The following SHANK2 variants were observed in gnomAD, a reference collection of about 807,000 sequenced individuals.
SHANK2 encodes the protein SH3 and multiple ankyrin repeat domains protein 2.
A neutral mutation model predicts 133.7 loss-of-function variants in SHANK2; 43 were observed. That is an observed-to-expected ratio of 0.32 (90% confidence interval 0.25 to 0.41). The LOEUF is 0.41. SHANK2 is among the 10% of genes least tolerant of loss of function. The probability of loss-of-function intolerance (pLI) is 1.00; values close to 1 mark genes in which losing one functional copy is unlikely to be tolerated. For missense variants in SHANK2, 1,994 were observed against 2,235.8 expected (o/e 0.89, Z 2.18); for synonymous variants, 1,017 against 952.8 (o/e 1.07, Z -1.24).
intron 8 of SHANK2, among the ~76,000 whole-genome samples, chr11:71,085,706 T>TGA (rs1951382518): frequency 5.2e-5 from 1 of 19,170 alleles, no homozygotes; most frequent in South Asian, 2.3e-3. Context: ...ATATTATATG[T>TGA]TATATATATT....
At chr11:70,777,519 TCATCCATC>T (rs201578144) in intron 14 of SHANK2, among the ~76,000 whole-genome samples, 5 of 151,114 alleles carry the variant, frequency 3.3e-5, no homozygotes, top group Admixed American at 2.6e-4. Flanking sequence ...ACCTATCCAT[TCATCCATC>T]CATCCATCCA....
intron 7 of SHANK2, among the ~76,000 whole-genome samples, chr11:71,093,765 C>T (rs187075770): frequency 3.1e-4 from 47 of 152,248 alleles, no homozygotes; most frequent in Admixed American, 2.2e-3. Flanking sequence ...TTTATTGCAA[C>T]GCAGGAACAG....
At chr11:71,193,644 G>A (rs925406084) in intron 2 of SHANK2, among the ~76,000 whole-genome samples, 1 of 152,198 alleles carries the variant, frequency 6.6e-6, no homozygotes, top group African/African-American at 2.4e-5. Context: ...TCTCCAGCCT[G>A]CTCCGGCCCT....
intron 17 of SHANK2, among the ~76,000 whole-genome samples, chr11:70,580,738 T>A (rs1554985258): frequency 6.6e-6 from 1 of 152,208 alleles, no homozygotes; most frequent in East Asian, 1.9e-4. Context: ...GAGCCAGGGC[T>A]GGGGCAGGCG....
chr11:70,813,911 C>T (rs1555053727), intron 12 of SHANK2, among the ~76,000 whole-genome samples: 1 of 152,154 alleles, frequency 6.6e-6, no homozygotes, highest in Non-Finnish European at 1.5e-5. Context: ...ACGACAGGGA[C>T]TTAGGATTAT....
chr11:70,567,163 A>G (rs2059978414), intron 17 of SHANK2, among the ~76,000 whole-genome samples: 1 of 152,206 alleles, frequency 6.6e-6, no homozygotes, highest in African/African-American at 2.4e-5. Context: ...AGCATCTGTT[A>G]TGAAGCTGTG....
At chr11:70,481,879 A>G (rs1355652784) in intron 25 of SHANK2, among the ~76,000 whole-genome samples, 1 of 152,374 alleles carries the variant, frequency 6.6e-6, no homozygotes, top group East Asian at 1.9e-4. Context: ...CAAAGGAGAC[A>G]TGCTGAGAGA....
intron 2 of SHANK2, among the ~76,000 whole-genome samples, chr11:71,196,587 C>A (rs80112882): frequency 6.6e-6 from 1 of 151,414 alleles, no homozygotes; most frequent in Non-Finnish European, 1.5e-5. Context: ...CGTGGCCCTG[C>A]CTCTGGTTCT....
At chr11:70,856,722 G>T (rs557774130) in intron 11 of SHANK2, among the ~76,000 whole-genome samples, 9 of 152,284 alleles carry the variant, frequency 5.9e-5, no homozygotes, top group Admixed American at 2.0e-4. Context: ...ACAGCCTTAT[G>T]AGGGAGGCAT....
rs76567503 is a variant in SHANK2 at position 71,149,659 on chromosome 11, A to G, written c.-12-2321T>C. 8.1e-3 allele frequency among the ~76,000 whole-genome samples: 1,226 copies of G among 151,094 alleles called. 15 individuals are homozygous for G. Among genetic ancestry groups the G allele is most frequent in the African/African-American group, 0.028 (1,169 of 41,050 alleles). Reference sequence around the variant, plus strand: ...CCTCTGCAGGGGGAGGGATTAGAGGAAAGGAAGGAGGGGAGGGAGGTGGAT... The same window carrying G: ...CCTCTGCAGGGGGAGGGATTAGAGGGAAGGAAGGAGGGGAGGGAGGTGGAT... On this transcript the variant is annotated intron_variant, in intron 2 of 25. Coordinates refer to ENST00000601538, the MANE Select transcript of SHANK2 (RefSeq NM_012309.5).
At chr11:70,773,116 A>C (rs1231064581) in intron 14 of SHANK2, among the ~76,000 whole-genome samples, 4 of 152,170 alleles carry the variant, frequency 2.6e-5, no homozygotes, top group Admixed American at 6.5e-5. Flanking sequence ...TGAACCAGAG[A>C]GAGGCCTTCT....
intron 2 of SHANK2, among the ~76,000 whole-genome samples, chr11:71,206,294 G>A (rs1954125629): frequency 1.3e-5 from 2 of 152,118 alleles, no homozygotes; most frequent in Non-Finnish European, 2.9e-5. Context: ...CCGCACACCC[G>A]GATCTCCTCT....
At chr11:71,173,328 G>C (rs1953356935) in intron 2 of SHANK2, among the ~76,000 whole-genome samples, 2 of 152,158 alleles carry the variant, frequency 1.3e-5, no homozygotes, top group African/African-American at 4.8e-5. Flanking sequence ...CTGTGACCCT[G>C]CCTGCTTTTG....
rs781855408 is a variant in SHANK2 at position 70,472,540 on chromosome 11, G to A, written c.*329C>T. On this transcript the variant is annotated 3_prime_UTR_variant, in exon 26 of 26. Coordinates refer to ENST00000601538, the MANE Select transcript of SHANK2 (RefSeq NM_012309.5). This position sits in a 1 kb window ranked among gnomAD's most constrained non-coding sequence, Gnocchi z 4.4. Reference sequence around the variant, plus strand: ...GTCTGCCTACAAGAGCTAGGATCCCGTGCAAAATTGACGGGGAGCCTCTCG... The same window carrying A: ...GTCTGCCTACAAGAGCTAGGATCCCATGCAAAATTGACGGGGAGCCTCTCG... 3.0e-5 allele frequency: 12 copies of A among 397,924 alleles called. No homozygotes were observed. The highest frequency in any genetic ancestry group is 7.4e-5 in the Admixed American group (2 of 26,986). The allele number at this position is 397,924 out of a possible 1,614,324, so 24.6% of individuals were successfully genotyped here.
chr11:70,641,662 G>C (rs1288166204), intron 17 of SHANK2, among the ~76,000 whole-genome samples: 9 of 152,372 alleles, frequency 5.9e-5, no homozygotes, highest in African/African-American at 2.2e-4. Context: ...GAGGAGCTGG[G>C]AGCTGGGAGG....
At chr11:70,542,145 T>A (rs1301290320) in intron 17 of SHANK2, among the ~76,000 whole-genome samples, 1 of 152,206 alleles carries the variant, frequency 6.6e-6, no homozygotes, top group Non-Finnish European at 1.5e-5. Flanking sequence ...CCGGTGGCCC[T>A]CGAAAGATAT....
chr11:70,499,712 C>T (rs1161599946), intron 21 of SHANK2, among the ~76,000 whole-genome samples: 1 of 152,184 alleles, frequency 6.6e-6, no homozygotes, highest in Non-Finnish European at 1.5e-5. Context: ...GCCTAGAAAG[C>T]CCGCTGGGAG....
chr11:70,795,697 C>T (rs903792306), intron 14 of SHANK2, among the ~76,000 whole-genome samples: 6 of 152,252 alleles, frequency 3.9e-5, no homozygotes, highest in East Asian at 1.9e-4. Context: ...TGAGTCACTG[C>T]ACCTGGCCAT....
chr11:70,842,865 G>A (rs781841968), intron 11 of SHANK2, among the ~76,000 whole-genome samples: 4 of 152,210 alleles, frequency 2.6e-5, no homozygotes, highest in Non-Finnish European at 5.9e-5. Flanking sequence ...GAGCTTGCAC[G>A]GGGATCTGTG....
Sources: gnomAD v4.1 joint callset for allele counts (sites outside exome capture counted in the v4.1 genomes callset) on GRCh38, gnomAD v4.1.1 for gene constraint, Gnocchi (gnomAD v3.1) non-coding constraint, MANE v1.5 for transcripts, NCBI Gene and HGNC (gene_info 2026-07-23, HGNC 2026-07-21) for gene names.